The following SMIM13 variants were observed in gnomAD, a reference collection of about 807,000 sequenced individuals.
SMIM13 encodes the protein UPF0766 protein C6orf228.
SMIM13 carries 3 observed loss-of-function variants against 5.9 expected under a neutral mutation model. The observed-to-expected ratio is 0.51, with a 90% CI of 0.23 to 1.31. The LOEUF is 1.31. SMIM13 is among the 40% of genes most tolerant of loss of function. The pLI, the probability that SMIM13 is intolerant of heterozygous loss-of-function variation, is 0.18. For synonymous variants in SMIM13, 55 were observed against 46.0 expected, an observed-to-expected ratio of 1.19 and a Z score of -0.79; for missense variants, 85 against 109.9, an observed-to-expected ratio of 0.77 and a Z score of 1.01.
chr6:11,100,816 T>G (rs913559318), intron 1 of SMIM13, among the ~76,000 whole-genome samples: 6 of 152,196 alleles, frequency 3.9e-5, no homozygotes, highest in South Asian at 2.1e-4. Context: ...ATTGAAAAAT[T>G]TATTGCCTTC....
chr6:11,134,515 A>G lies in SMIM13; in HGVS notation c.189A>G (p.Glu63=), dbSNP rs1371570086. Residue 63 remains glutamate (E), a synonymous_variant, in exon 2 of 2, where the codon GAA becomes GAG. Transcript: ENST00000416247. ...GDHEPSGSET[E]EDTSSSPHRI... is the part of the protein sequence containing the mutation. ...ATGAGCCTTCAGGGTCTGAAACTGA[A>G]GAAGACACTTCCTCCTCTCCACACA... is the stretch of plus-strand genomic sequence containing the variant. 8 of 1,551,228 alleles carry G rather than the reference A, an allele frequency of 5.2e-6. No individual in the cohort carries two copies. The East Asian group carries it at 7.3e-5, about 14-fold the overall frequency.
intron 1 of SMIM13, among the ~76,000 whole-genome samples, chr6:11,115,268 TA>T (rs575680393): frequency 1.4e-4 from 21 of 152,222 alleles, no homozygotes; most frequent in Non-Finnish European, 2.6e-4. Flanking sequence ...AGTTATTAGA[TA>T]TCAGTTTCTG....
chr6:11,104,467 G>C (rs1320246812), intron 1 of SMIM13: 3 of 1,552,322 alleles, frequency 1.9e-6, no homozygotes, highest in Non-Finnish European at 2.6e-6. Flanking sequence ...TGAAATAAGG[G>C]GGTGAGGGAG....
intron 1 of SMIM13, among the ~76,000 whole-genome samples, chr6:11,110,182 G>A (rs768473301): frequency 3.9e-5 from 6 of 152,110 alleles, no homozygotes; most frequent in Non-Finnish European, 8.8e-5. Context: ...CTCATCCAAG[G>A]GGTTCTGGAA....
intron 1 of SMIM13, among the ~76,000 whole-genome samples, chr6:11,125,542 G>A (rs896447864): frequency 1.3e-5 from 2 of 152,188 alleles, no homozygotes; most frequent in Admixed American, 1.3e-4. Context: ...GTTGCAGTGA[G>A]CTGAGATCGT....
intron 1 of SMIM13, among the ~76,000 whole-genome samples, chr6:11,105,937 G>T (rs1478905954): frequency 6.6e-6 from 1 of 152,160 alleles, no homozygotes; most frequent in Non-Finnish European, 1.5e-5. Flanking sequence ...AGCCTTAGGG[G>T]CAGCAAATCA....
chr6:11,126,472 T>C (rs1214669817), intron 1 of SMIM13, among the ~76,000 whole-genome samples: 1 of 152,218 alleles, frequency 6.6e-6, no homozygotes, highest in East Asian at 1.9e-4. Context: ...AGCTCCAGAA[T>C]TTCTGCTTGA....
At chr6:11,114,939 T>C (rs1168790660) in intron 1 of SMIM13, among the ~76,000 whole-genome samples, 1 of 152,206 alleles carries the variant, frequency 6.6e-6, no homozygotes, top group Non-Finnish European at 1.5e-5. Flanking sequence ...TGGTGGATTT[T>C]GTTGCATTTC....
At chr6:11,103,505 G>A in intron 1 of SMIM13, 2 of 818,932 alleles carry the variant, frequency 2.4e-6, no homozygotes, top group Non-Finnish European at 3.5e-6. Context: ...ACGAAGGTCA[G>A]TCTTCTTTAA....
intron 1 of SMIM13, among the ~76,000 whole-genome samples, chr6:11,097,386 C>T (rs1458932449): frequency 1.3e-5 from 2 of 151,936 alleles, no homozygotes; most frequent in African/African-American, 2.4e-5. Context: ...CCGGGCATGG[C>T]GGCCCATGCC....
intron 1 of SMIM13, chr6:11,105,325 A>C: frequency 6.3e-7 from 1 of 1,589,240 alleles, no homozygotes; most frequent in African/African-American, 1.3e-5. Flanking sequence ...ACCTAAGAGA[A>C]ACTGGTCACA....
At chr6:11,125,753 T>C (rs1269985388) in intron 1 of SMIM13, among the ~76,000 whole-genome samples, 1 of 152,226 alleles carries the variant, frequency 6.6e-6, no homozygotes, top group African/African-American at 2.4e-5. Context: ...GCTTTTAGGA[T>C]CCTTTCTTTG....
chr6:11,130,145 A>G (rs938061796), intron 1 of SMIM13, among the ~76,000 whole-genome samples: 5 of 152,024 alleles, frequency 3.3e-5, no homozygotes, highest in African/African-American at 9.7e-5. Context: ...TACTTGGAGG[A>G]CAACTTGTTG....
At chr6:11,111,974 T>A (rs1758173991) in intron 1 of SMIM13, among the ~76,000 whole-genome samples, 1 of 152,210 alleles carries the variant, frequency 6.6e-6, no homozygotes, top group Non-Finnish European at 1.5e-5. Flanking sequence ...TGCTTCTTAG[T>A]GCGCATGCTT....
At chr6:11,099,166 G>A (rs554964283) in intron 1 of SMIM13, among the ~76,000 whole-genome samples, 1 of 152,146 alleles carries the variant, frequency 6.6e-6, no homozygotes, top group South Asian at 2.1e-4. Context: ...CTGAGACCCA[G>A]GCTCAATGCA....
In SMIM13 at chr6:11,135,787, CAATA is replaced by C. The variant is rs1391564019; in HGVS notation, c.*1190_*1193del. Reference sequence around the variant, plus strand: ...ATCTGTTTAACTCAAAGCGCTGTTTCAATAAATATAAACATTTTCTGTGATATGA... The same window carrying C: ...ATCTGTTTAACTCAAAGCGCTGTTTCAATATAAACATTTTCTGTGATATGA... On this transcript the variant is annotated 3_prime_UTR_variant, in exon 2 of 2. Transcript: ENST00000416247. 1.3e-5 allele frequency: 2 copies of C among 152,162 alleles called. No individual in the cohort carries two copies. The highest frequency in any genetic ancestry group is 6.5e-5 in the Admixed American group (1 of 15,272). 9.4% of individuals were successfully genotyped at this position (152,162 alleles called of 1,614,324 possible). A position where few individuals can be genotyped will look rare whatever the true frequency, so the allele number is the denominator to read the frequency against.
intron 1 of SMIM13, 116 bp downstream of exon 1, chr6:11,094,505 C>G: frequency 1.2e-6 from 1 of 808,482 alleles, no homozygotes; most frequent in Non-Finnish European, 1.9e-6. Flanking sequence ...GGACAATTGT[C>G]TTAAAATCAA....
At chr6:11,117,193 T>C in intron 1 of SMIM13, among the ~76,000 whole-genome samples, 1 of 134,528 alleles carries the variant, frequency 7.4e-6, no homozygotes, top group African/African-American at 2.9e-5. Context: ...AGACGGAGTC[T>C]CGCTCTGTCG....
chr6:11,121,676 A>G (rs1758311653), intron 1 of SMIM13, among the ~76,000 whole-genome samples: 1 of 152,186 alleles, frequency 6.6e-6, no homozygotes, highest in Non-Finnish European at 1.5e-5. Context: ...ATAACTTTGC[A>G]CTTGTCTTCT....
Sources: allele counts gnomAD v4.1 joint callset (sites outside exome capture counted in the v4.1 genomes callset), GRCh38; gene constraint gnomAD v4.1.1; transcripts MANE v1.5; gene names NCBI Gene and HGNC (gene_info 2026-07-23, HGNC 2026-07-21).